The following SLC41A2 variants were observed in gnomAD, a reference collection of about 807,000 sequenced individuals.
The protein encoded by SLC41A2 is SLC41A1-like 1.
Under a neutral mutation model 58.3 loss-of-function variants are expected in SLC41A2, and 32 were observed. The observed-to-expected ratio is 0.55, with a 90% CI of 0.41 to 0.74. SLC41A2 has a LOEUF of 0.74. SLC41A2 is among the 30% of genes least tolerant of loss of function. The pLI, the probability that SLC41A2 is intolerant of heterozygous loss-of-function variation, is 0.00. For synonymous variants in SLC41A2, 190 were observed against 235.0 expected (o/e 0.81, Z 1.75); for missense variants, 514 against 680.6 (o/e 0.76, Z 2.72).
intron 10 of SLC41A2, among the ~76,000 whole-genome samples, chr12:104,806,467 T>A (rs1332014782): frequency 1.3e-5 from 2 of 152,206 alleles, no homozygotes; most frequent in Non-Finnish European, 1.5e-5. Flanking sequence ...TCTATCATTG[T>A]TGGACATTTG....
chr12:104,954,754 G>T (rs1339004137), intron 1 of SLC41A2, among the ~76,000 whole-genome samples: 2 of 152,182 alleles, frequency 1.3e-5, no homozygotes, highest in East Asian at 3.8e-4. Flanking sequence ...ATAGGTTGAA[G>T]CAGAGTTAGG....
At chr12:104,887,071 GTACTTT>G (rs1341272369) in intron 5 of SLC41A2, among the ~76,000 whole-genome samples, 4 of 151,896 alleles carry the variant, frequency 2.6e-5, no homozygotes, top group Non-Finnish European at 5.9e-5. Flanking sequence ...CTGTGTACTT[GTACTTT>G]TACATCCTAA....
intron 4 of SLC41A2, among the ~76,000 whole-genome samples, chr12:104,891,644 AAG>A (rs1257924178): frequency 5.9e-5 from 9 of 151,774 alleles, no homozygotes; most frequent in Admixed American, 5.9e-4. Flanking sequence ...TAAAAGAGGA[AAG>A]AGACTTTCAC....
intron 10 of SLC41A2, among the ~76,000 whole-genome samples, chr12:104,814,053 TG>T (rs2041289054): frequency 6.6e-6 from 1 of 152,228 alleles, no homozygotes; most frequent in African/African-American, 2.4e-5. Context: ...CACATATTTA[TG>T]TATGTATATG....
chr12:104,899,673 T>C (rs1174355908), intron 3 of SLC41A2, among the ~76,000 whole-genome samples: 3 of 152,192 alleles, frequency 2.0e-5, no homozygotes, highest in African/African-American at 7.2e-5. Context: ...TGTGCAATTC[T>C]CTTGCGTATG....
At chr12:104,874,066 T>C (rs911765040) in intron 6 of SLC41A2, among the ~76,000 whole-genome samples, 4 of 150,858 alleles carry the variant, frequency 2.7e-5, no homozygotes, top group African/African-American at 7.3e-5. Context: ...TTTTGTTGCC[T>C]GAGTTTGTTT....
At chr12:104,810,933 C>CTT (rs1422885647) in intron 10 of SLC41A2, among the ~76,000 whole-genome samples, 8 of 152,162 alleles carry the variant, frequency 5.3e-5, no homozygotes, top group African/African-American at 1.7e-4. Flanking sequence ...AAAAATAGAA[C>CTT]TTTACATTGA....
At chr12:104,872,112 A>G (rs2043810709) in intron 6 of SLC41A2, among the ~76,000 whole-genome samples, 1 of 152,102 alleles carries the variant, frequency 6.6e-6, no homozygotes, top group African/African-American at 2.4e-5. Context: ...AGAAGGAAAA[A>G]AAAAACAGAT....
At chr12:104,818,188 T>A (rs1160036943) in intron 10 of SLC41A2, among the ~76,000 whole-genome samples, 2 of 151,884 alleles carry the variant, frequency 1.3e-5, no homozygotes, top group African/African-American at 4.8e-5. Context: ...GACATAGACA[T>A]GAAATGAAAC....
intron 1 of SLC41A2, 128 bp from the exon 2 acceptor site, chr12:104,928,822 A>G (rs1002789685): frequency 9.4e-6 from 2 of 213,660 alleles, no homozygotes; most frequent in African/African-American, 4.6e-5. Context: ...TACTGATACT[A>G]TACTTTGTGG....
intron 10 of SLC41A2, 59 bp from the exon 11 acceptor site, chr12:104,805,396 T>C (rs775157244): frequency 1.4e-6 from 2 of 1,475,836 alleles, no homozygotes; most frequent in Middle Eastern, 1.9e-4. Context: ...CCATGAAACA[T>C]GGCCACAAGC....
chr12:104,826,477 C>A (rs1260333296), intron 10 of SLC41A2, among the ~76,000 whole-genome samples: 1 of 152,144 alleles, frequency 6.6e-6, no homozygotes, highest in Non-Finnish European at 1.5e-5. Context: ...GTGGCAAGGC[C>A]AGGAAATTAA....
intron 10 of SLC41A2, among the ~76,000 whole-genome samples, chr12:104,808,556 T>C (rs1362114571): frequency 1.3e-5 from 2 of 152,244 alleles, no homozygotes; most frequent in Non-Finnish European, 2.9e-5. Context: ...TGCCCAGCTT[T>C]GGTATCAGGA....
chr12:104,850,331 G>A (rs575438435), intron 8 of SLC41A2, among the ~76,000 whole-genome samples: 2 of 152,180 alleles, frequency 1.3e-5, no homozygotes, highest in East Asian at 3.9e-4. Flanking sequence ...TTCTTATTAA[G>A]AAAAAACCCA....
At chr12:104,913,335 T>G (rs1180185549) in intron 2 of SLC41A2, among the ~76,000 whole-genome samples, 1 of 152,192 alleles carries the variant, frequency 6.6e-6, no homozygotes, top group Non-Finnish European at 1.5e-5. Context: ...CCTTGTTAAC[T>G]GCCATTAGGC....
intron 1 of SLC41A2, among the ~76,000 whole-genome samples, chr12:104,956,178 G>A (rs1416126837): frequency 2.0e-5 from 3 of 152,190 alleles, no homozygotes; most frequent in South Asian, 2.1e-4. Context: ...TACCAGGGCA[G>A]TAAATGTAAA....
At chr12:104,894,792 T>C (rs1213458791) in intron 4 of SLC41A2, among the ~76,000 whole-genome samples, 1 of 152,168 alleles carries the variant, frequency 6.6e-6, no homozygotes, top group African/African-American at 2.4e-5. Context: ...CGATCTACAG[T>C]TCACAATTCA....
chr12:104,866,587 T>TAAAAAAAAAAAAAAAAAAAA lies in SLC41A2; in HGVS notation c.1028-9_1028-8insTTTTTTTTTTTTTTTTTTTT. 7.5e-7 allele frequency: 1 copy of TAAAAAAAAAAAAAAAAAAAA among 1,339,580 alleles called. No homozygotes were observed. Among genetic ancestry groups the TAAAAAAAAAAAAAAAAAAAA allele is most frequent in the Non-Finnish European group, 1.0e-6 (1 of 1,002,734 alleles). 83.0% of individuals were successfully genotyped at this position (1,339,580 alleles called of 1,614,324 possible). ...AAATGTAGTAATAGGTCTCTAAAAT[T>TAAAAAAAAAAAAAAAAAAAA]AAAAAAAAAAAAAAAAAGAGAGACA... On this transcript the variant is annotated splice_polypyrimidine_tract_variant and intron_variant, in intron 6 of 10. Transcript: ENST00000258538.
chr12:104,919,691 T>C (rs1233836886), intron 2 of SLC41A2, among the ~76,000 whole-genome samples: 1 of 152,234 alleles, frequency 6.6e-6, no homozygotes, highest in Non-Finnish European at 1.5e-5. Flanking sequence ...TAATTTTTTT[T>C]TAACTGTTGA....
Sources: gnomAD v4.1 joint callset for allele counts (sites outside exome capture counted in the v4.1 genomes callset) on GRCh38, gnomAD v4.1.1 for gene constraint, MANE v1.5 for transcripts, NCBI Gene and HGNC (gene_info 2026-07-23, HGNC 2026-07-21) for gene names.